The following CACHD1 variants were observed in gnomAD, a reference collection of about 807,000 sequenced individuals.
The protein encoded by CACHD1 is cache domain containing 1, also known as VWFA and cache domain-containing protein 1.
A neutral mutation model predicts 138.7 loss-of-function variants in CACHD1; 71 were observed. That is an observed-to-expected ratio of 0.51 (90% CI 0.42 to 0.62). The LOEUF (loss-of-function observed/expected upper bound fraction) is 0.62, where lower values mean the gene tolerates loss of function less well. Ranked by LOEUF, CACHD1 falls within the 20% of genes least tolerant of loss-of-function variation. The pLI is 0.00. For missense variants in CACHD1, 1,389 were observed against 1,625.3 expected (o/e 0.85, Z 2.50); for synonymous variants, 578 against 591.5 (o/e 0.98, Z 0.33).
At chr1:64,622,514 A>G (rs1647951306) in intron 4 of CACHD1, among the ~76,000 whole-genome samples, 1 of 152,260 alleles carries the variant, frequency 6.6e-6, no homozygotes, top group African/African-American at 2.4e-5. Flanking sequence ...TTGTATGTAC[A>G]AACTAATAAA....
At chr1:64,493,063 A>G (rs1646287485) in intron 1 of CACHD1, among the ~76,000 whole-genome samples, 1 of 152,252 alleles carries the variant, frequency 6.6e-6, no homozygotes, top group South Asian at 2.1e-4. Context: ...TGGACTTTGT[A>G]ACACGGGAGT....
chr1:64,558,770 A>G lies in CACHD1; in HGVS notation c.261+8114A>G, dbSNP rs189147942. ...TACATCTGACAAAGGTGTAACATCTAGCATCTATAAGGAACTTAAACAAAT... is the reference window on the plus strand; with the variant it reads ...TACATCTGACAAAGGTGTAACATCTGGCATCTATAAGGAACTTAAACAAAT... On this transcript the variant is annotated intron_variant, in intron 2 of 26. Transcript: ENST00000651257. Among the ~76,000 whole-genome samples the G allele has an allele frequency of 4.9e-3, 746 of 152,332 alleles. 4 individuals are homozygous for G. Among genetic ancestry groups the G allele is most frequent in the Non-Finnish European group, 8.7e-3 (595 of 68,024 alleles).
At chr1:64,623,232 T>C (rs2100619762) in intron 4 of CACHD1, among the ~76,000 whole-genome samples, 1 of 152,050 alleles carries the variant, frequency 6.6e-6, no homozygotes, top group East Asian at 1.9e-4. Context: ...TGAAACCCCG[T>C]CTCTACTACT....
chr1:64,628,385 C>A (rs1648187155), intron 4 of CACHD1, among the ~76,000 whole-genome samples: 1 of 152,062 alleles, frequency 6.6e-6, no homozygotes. Context: ...TATATCTTGC[C>A]AAATGTAAAG....
intron 1 of CACHD1, among the ~76,000 whole-genome samples, chr1:64,507,768 G>A (rs1235000417): frequency 2.0e-5 from 3 of 152,158 alleles, no homozygotes; most frequent in Non-Finnish European, 4.4e-5. Context: ...TATATTTAGT[G>A]GAAAAAATAC....
At chr1:64,566,021 T>A (rs1222722893) in intron 2 of CACHD1, among the ~76,000 whole-genome samples, 1 of 152,216 alleles carries the variant, frequency 6.6e-6, no homozygotes, top group Non-Finnish European at 1.5e-5. Context: ...TTCCCTTACA[T>A]CCTTTTATTC....
intron 3 of CACHD1, among the ~76,000 whole-genome samples, chr1:64,597,510 G>GTTT (rs111369526): frequency 3.6e-5 from 4 of 111,528 alleles, no homozygotes; most frequent in Admixed American, 9.6e-5. Flanking sequence ...CCAGAAGGAA[G>GTTT]TTTTTTTTTT....
intron 2 of CACHD1, among the ~76,000 whole-genome samples, chr1:64,562,262 T>C (rs1646845989): frequency 6.6e-6 from 1 of 152,156 alleles, no homozygotes; most frequent in Admixed American, 6.5e-5. Context: ...CATTATTTGC[T>C]CTCCTTGTAG....
At chr1:64,538,962 C>T (rs1646655677) in intron 1 of CACHD1, among the ~76,000 whole-genome samples, 3 of 152,194 alleles carry the variant, frequency 2.0e-5, no homozygotes, top group Admixed American at 2.0e-4. Flanking sequence ...CATTCTCCAA[C>T]ACTACTTCAT....
At chr1:64,611,200 A>T (rs1647520361) in intron 4 of CACHD1, among the ~76,000 whole-genome samples, 1 of 152,116 alleles carries the variant, frequency 6.6e-6, no homozygotes, top group Non-Finnish European at 1.5e-5. Flanking sequence ...CTGTGATGGG[A>T]GGGGCTGCTC....
chr1:64,684,113 G>A (rs1030820451), intron 26 of CACHD1, among the ~76,000 whole-genome samples: 3 of 152,186 alleles, frequency 2.0e-5, no homozygotes, highest in African/African-American at 7.2e-5. Flanking sequence ...TCCTGACCCT[G>A]TGTAGGCCTG....
chr1:64,526,580 G>C (rs565534412), intron 1 of CACHD1, among the ~76,000 whole-genome samples: 2 of 152,326 alleles, frequency 1.3e-5, no homozygotes, highest in Admixed American at 6.5e-5. Flanking sequence ...CTTGAGGAGG[G>C]GGGTGAGGAG....
intron 4 of CACHD1, among the ~76,000 whole-genome samples, chr1:64,624,027 G>T (rs1345806640): frequency 1.3e-5 from 2 of 152,204 alleles, no homozygotes; most frequent in African/African-American, 4.8e-5. Context: ...CCTCTGGGTT[G>T]CCTGTGTGGA....
Position 64,470,590 on chromosome 1 carries a change from C to G in CACHD1, c.-155C>G, listed in dbSNP as rs1557452137. On this transcript the variant is annotated 5_prime_UTR_variant, in exon 1 of 27. Transcript: ENST00000651257. The surrounding 1 kb of genome is among the most constrained non-coding windows in gnomAD (Gnocchi z 5.2). ...GCTCCCGCGCTGTAGCCGGGCGCCC[C>G]CTAAGTTTGGGAGCCTTCGCCACCG... Among the ~76,000 whole-genome samples, 1 of 151,904 alleles carries G rather than the reference C, an allele frequency of 6.6e-6. No individual in the cohort carries two copies. Among genetic ancestry groups the G allele is most frequent in the African/African-American group, 2.4e-5 (1 of 41,418 alleles).
chr1:64,606,815 T>C (rs1292647818), intron 4 of CACHD1, among the ~76,000 whole-genome samples: 1 of 152,102 alleles, frequency 6.6e-6, no homozygotes, highest in Non-Finnish European at 1.5e-5. Flanking sequence ...CATTGGATGG[T>C]GGGCAGGGTA....
intron 1 of CACHD1, among the ~76,000 whole-genome samples, chr1:64,497,528 A>G (rs933707482): frequency 2.0e-5 from 3 of 152,226 alleles, no homozygotes; most frequent in African/African-American, 7.2e-5. Flanking sequence ...TGTGATGGTT[A>G]TGAGAACTGC....
At position 64,653,900 on chromosome 1, in the gene CACHD1, T is replaced by A; in HGVS notation, c.1664+19T>A. 6.2e-7 allele frequency: 1 copy of A among 1,609,570 alleles called. No homozygotes were observed. The highest frequency in any genetic ancestry group is 8.5e-7 in the Non-Finnish European group (1 of 1,178,332). Reference sequence around the variant, plus strand: ...TCCTAAGGTAAGGAAAAGGTGAGGGTCATAGGATTGTTTTTCCCTGAGAAT... The same window carrying A: ...TCCTAAGGTAAGGAAAAGGTGAGGGACATAGGATTGTTTTTCCCTGAGAAT... On this transcript the variant is annotated intron_variant, in intron 11 of 26. Transcript: ENST00000651257.
Position 64,634,081 on chromosome 1 carries a change from G to C in CACHD1, c.827G>C (p.Cys276Ser), listed in dbSNP as rs1648415421. 6.2e-7 allele frequency: 1 copy of C among 1,608,052 alleles called. No homozygotes were observed. ...ACTGTGGCAGATACCGTCCGGACTT[G>C]CTCACTAGACCAGTGCTATAAGACC... ...VLTVADTVRT[C>S]SLDQCYKTFL... Residue 276 changes from cysteine (C) to serine (S), a missense_variant, in exon 7 of 27, where the codon TGC becomes TCC. Physicochemically the swap from Cys to Ser is moderately radical, Grantham distance 112 (BLOSUM62 -1). Transcript: ENST00000651257.
chr1:64,679,522 A>ATCCCC, intron 23 of CACHD1, 73 bp from the exon 24 acceptor site: 1 of 1,548,286 alleles, frequency 6.5e-7, no homozygotes, highest in Non-Finnish European at 8.9e-7. Context: ...ATTCCCTCCC[A>ATCCCC]TCTCACCATC....
Sources: gnomAD v4.1 joint callset for allele counts (sites outside exome capture counted in the v4.1 genomes callset) on GRCh38, gnomAD v4.1.1 for gene constraint, Gnocchi (gnomAD v3.1) non-coding constraint, MANE v1.5 for transcripts, NCBI Gene and HGNC (gene_info 2026-07-23, HGNC 2026-07-21) for gene names.